The following GNAL variants were observed in gnomAD, a reference collection of about 807,000 sequenced individuals.
GNAL encodes the protein G protein subunit alpha L.
A neutral mutation model predicts 55.1 loss-of-function variants in GNAL; 18 were observed. That is an observed-to-expected ratio of 0.33 (90% CI 0.23 to 0.48). GNAL has a LOEUF of 0.48. GNAL is among the 20% of genes least tolerant of loss of function. The pLI, the probability that GNAL is intolerant of heterozygous loss-of-function variation, is 0.99. For synonymous variants in GNAL, 253 were observed against 237.0 expected (o/e 1.07, Z -0.62); for missense variants, 412 against 614.1 (o/e 0.67, Z 3.48).
At chr18:11,746,208 A>T in intron 1 of GNAL, 1 of 534,380 alleles carries the variant, frequency 1.9e-6, no homozygotes, top group Non-Finnish European at 3.7e-6. Context: ...TCATCACTGT[A>T]GGTACAACCT....
chr18:11,706,372 G>A (rs994290202), intron 1 of GNAL, among the ~76,000 whole-genome samples: 12 of 152,066 alleles, frequency 7.9e-5, no homozygotes, highest in African/African-American at 2.7e-4. Flanking sequence ...AAGTGCTAAC[G>A]ATCATCTGAG....
chr18:11,715,460 CAAA>C (rs34339537), intron 1 of GNAL, among the ~76,000 whole-genome samples: 3 of 67,728 alleles, frequency 4.4e-5, no homozygotes, highest in Non-Finnish European at 7.0e-5. Flanking sequence ...GACTCCATCT[CAAA>C]AAAAAAAAAA....
chr18:11,861,236 C>G (rs1206408038), intron 5 of GNAL, among the ~76,000 whole-genome samples: 1 of 149,612 alleles, frequency 6.7e-6, no homozygotes, highest in African/African-American at 2.5e-5. Flanking sequence ...AGAGCCTGGG[C>G]CCCCCCGACC....
Position 11,885,365 on chromosome 18 carries a change from A to ATGGT in GNAL, c.*4233_*4236dup, listed in dbSNP as rs1222160341. The ATGGT allele has an allele frequency of 1.5e-5, 5 of 337,696 alleles. No individual in the cohort carries two copies. The highest frequency in any genetic ancestry group is 2.7e-5 in the Non-Finnish European group (5 of 181,960). The allele number at this position is 337,696 out of a possible 1,614,324, so 20.9% of individuals were successfully genotyped here. A position where few individuals can be genotyped will look rare whatever the true frequency, so the allele number is the denominator to read the frequency against. The stretch of plus-strand genomic sequence containing the variant: ...ATGGCTGAGTATAGCTAATGAATAA[A>ATGGT]TGGTTGTTTCTTTAGAAAATTAAAC... On this transcript the variant is annotated 3_prime_UTR_variant, in exon 12 of 12. Coordinates refer to ENST00000334049, the MANE Select transcript of GNAL (RefSeq NM_182978.4).
chr18:11,874,717 C>T (rs2036488619), intron 10 of GNAL, among the ~76,000 whole-genome samples: 2 of 149,398 alleles, frequency 1.3e-5, no homozygotes, highest in South Asian at 4.3e-4. Context: ...TGTCAGTGAC[C>T]CCCACCCCCG....
intron 4 of GNAL, among the ~76,000 whole-genome samples, chr18:11,808,653 T>C (rs1460421484): frequency 6.6e-6 from 1 of 152,222 alleles, no homozygotes; most frequent in African/African-American, 2.4e-5. Context: ...CCCAGGCATG[T>C]ATCCAAACGG....
At chr18:11,741,145 A>C (rs1295557626) in intron 1 of GNAL, among the ~76,000 whole-genome samples, 1 of 152,230 alleles carries the variant, frequency 6.6e-6, no homozygotes, top group Non-Finnish European at 1.5e-5. Flanking sequence ...TGAGTGGGAA[A>C]GGAGGTAGGC....
At chr18:11,691,329 T>G (rs2031240960) in intron 1 of GNAL, among the ~76,000 whole-genome samples, 2 of 151,586 alleles carry the variant, frequency 1.3e-5, no homozygotes, top group South Asian at 4.2e-4. Context: ...CTTGTAAATT[T>G]GTTTGAGTTC....
intron 1 of GNAL, among the ~76,000 whole-genome samples, chr18:11,721,235 A>G (rs2032085342): frequency 6.6e-6 from 1 of 152,240 alleles, no homozygotes; most frequent in Non-Finnish European, 1.5e-5. Flanking sequence ...TAAGGGTTCA[A>G]AAACTCATGA....
intron 4 of GNAL, among the ~76,000 whole-genome samples, chr18:11,785,062 G>C (rs1316754023): frequency 6.6e-6 from 1 of 152,160 alleles, no homozygotes; most frequent in African/African-American, 2.4e-5. Flanking sequence ...GAATTGCTGT[G>C]ATTCATACTT....
intron 9 of GNAL, among the ~76,000 whole-genome samples, chr18:11,870,016 G>A (rs2848463): frequency 0.14 from 20,592 of 152,098 alleles, 1,765 homozygotes; most frequent in Non-Finnish European, 0.2. Context: ...CTTTTACATC[G>A]TGTTAGGTAT....
chr18:11,691,218 G>A (rs942126413), intron 1 of GNAL, among the ~76,000 whole-genome samples: 1 of 151,902 alleles, frequency 6.6e-6, no homozygotes, highest in Admixed American at 6.5e-5. Context: ...CAGTGATGGT[G>A]AGCATTTTTT....
chr18:11,845,861 G>A (rs892619528), intron 5 of GNAL, among the ~76,000 whole-genome samples: 4 of 152,112 alleles, frequency 2.6e-5, no homozygotes, highest in Non-Finnish European at 5.9e-5. Context: ...GTTTTGCTGT[G>A]TCAGCTCTAT....
intron 4 of GNAL, among the ~76,000 whole-genome samples, chr18:11,819,499 GA>G (rs1175334362): frequency 6.6e-6 from 1 of 151,954 alleles, no homozygotes; most frequent in East Asian, 1.9e-4. Context: ...TTATATAACT[GA>G]AATCCCTTTG....
At chr18:11,852,577 G>C (rs1017743186) in intron 5 of GNAL, 1 of 167,338 alleles carries the variant, frequency 6.0e-6, no homozygotes, top group Non-Finnish European at 1.4e-5. Flanking sequence ...TCGGTGGACT[G>C]TGCTATTTCT....
chr18:11,696,968 A>G (rs112960924), intron 1 of GNAL, among the ~76,000 whole-genome samples: 2 of 152,340 alleles, frequency 1.3e-5, no homozygotes, highest in East Asian at 1.9e-4. Flanking sequence ...GCCATCCTCC[A>G]GTTGCACAAA....
At chr18:11,723,952 CT>C (rs1184116073) in intron 1 of GNAL, among the ~76,000 whole-genome samples, 1 of 152,178 alleles carries the variant, frequency 6.6e-6, no homozygotes, top group Non-Finnish European at 1.5e-5. Flanking sequence ...AGGAACTGGT[CT>C]TTGAAAGGGG....
At chr18:11,747,490 C>G (rs28415243) in intron 1 of GNAL, 57,972 of 158,566 alleles carry the variant, frequency 0.37, 12,606 homozygotes, top group African/African-American at 0.62. Flanking sequence ...CAGTGGCTGA[C>G]CCAGTACCGC....
rs2033632557 is a variant in GNAL at position 11,771,426 on chromosome 18, T to C, written c.624+17481T>C. 3.3e-5 allele frequency among the ~76,000 whole-genome samples: 5 copies of C among 152,000 alleles called. No individual in the cohort carries two copies. The South Asian group carries it at 8.3e-4, about 25-fold the overall frequency. On this transcript the variant is annotated intron_variant, in intron 4 of 11. Transcript: ENST00000334049. ...TATGAACAGGCATTTCATTTTTTTTTCTAAATGATGACCTGATATGTGTCA... is the reference window on the plus strand; with the variant it reads ...TATGAACAGGCATTTCATTTTTTTTCCTAAATGATGACCTGATATGTGTCA...
Sources: allele counts gnomAD v4.1 joint callset (sites outside exome capture counted in the v4.1 genomes callset), GRCh38; gene constraint gnomAD v4.1.1; transcripts MANE v1.5; gene names NCBI Gene and HGNC (gene_info 2026-07-23, HGNC 2026-07-21).